The following EBF1 variants were observed in gnomAD, a reference collection of about 807,000 sequenced individuals.
The protein encoded by EBF1 is transcription factor COE1.
In EBF1, 10 loss-of-function variants were observed where a neutral mutation model predicts 68.4. That is an observed-to-expected ratio of 0.15 (90% CI 0.09 to 0.25). The LOEUF is 0.25. Among genes scored for constraint, EBF1 ranks in the 10% least tolerant of loss-of-function variants. EBF1 has a pLI of 1.00. For synonymous variants in EBF1, 298 were observed against 299.8 expected (o/e 0.99, Z 0.06); for missense variants, 509 against 794.4 (o/e 0.64, Z 4.32).
intron 6 of EBF1, among the ~76,000 whole-genome samples, chr5:158,917,079 C>T (rs1807358785): frequency 6.6e-6 from 1 of 152,188 alleles, no homozygotes; most frequent in Non-Finnish European, 1.5e-5. Flanking sequence ...TCCTAACTAG[C>T]CAACTTCAGC....
At chr5:158,869,545 CTT>C (rs569644227) in intron 6 of EBF1, among the ~76,000 whole-genome samples, 1 of 151,006 alleles carries the variant, frequency 6.6e-6, no homozygotes, top group Non-Finnish European at 1.5e-5. Flanking sequence ...GTAGTGTTCT[CTT>C]TTTTTTCCCT....
intron 5 of EBF1, among the ~76,000 whole-genome samples, chr5:159,079,595 C>A (rs970631917): frequency 4.1e-5 from 6 of 146,512 alleles, no homozygotes; most frequent in African/African-American, 7.7e-5. Flanking sequence ...AAACACCCTC[C>A]TTTTATCTTT....
intron 6 of EBF1, among the ~76,000 whole-genome samples, chr5:159,001,794 T>C (rs182294670): frequency 6.6e-6 from 1 of 152,344 alleles, no homozygotes; most frequent in East Asian, 1.9e-4. Context: ...TATTGTTTGA[T>C]ACAGTGATTT....
intron 14 of EBF1, among the ~76,000 whole-genome samples, chr5:158,709,223 A>T (rs1036286844): frequency 5.3e-5 from 8 of 152,212 alleles, no homozygotes; most frequent in Non-Finnish European, 1.2e-4. Flanking sequence ...TTTTTCACAC[A>T]ACTTAATAAA....
intron 6 of EBF1, among the ~76,000 whole-genome samples, chr5:158,926,269 G>A (rs961647013): frequency 6.6e-6 from 1 of 152,104 alleles, no homozygotes; most frequent in African/African-American, 2.4e-5. Flanking sequence ...GCAAATGATA[G>A]CGCATTTGTT....
At chr5:158,842,649 T>G (rs1790563097) in intron 6 of EBF1, among the ~76,000 whole-genome samples, 1 of 152,164 alleles carries the variant, frequency 6.6e-6, no homozygotes, top group Admixed American at 6.5e-5. Flanking sequence ...CTGTGAAAAT[T>G]GCGATAAGGC....
At chr5:158,991,065 T>C (rs1338206795) in intron 6 of EBF1, among the ~76,000 whole-genome samples, 4 of 152,354 alleles carry the variant, frequency 2.6e-5, no homozygotes, top group East Asian at 1.9e-4. Context: ...GAGGGAATCA[T>C]AAATCCCTGC....
intron 7 of EBF1, among the ~76,000 whole-genome samples, chr5:158,832,861 C>T (rs1787890176): frequency 6.6e-6 from 1 of 152,126 alleles, no homozygotes; most frequent in South Asian, 2.1e-4. Flanking sequence ...TTTTAAAAAG[C>T]AAAACACATT....
intron 6 of EBF1, among the ~76,000 whole-genome samples, chr5:159,029,880 C>G (rs1360789169): frequency 6.6e-6 from 1 of 151,564 alleles, no homozygotes; most frequent in Non-Finnish European, 1.5e-5. Flanking sequence ...TCACTTGAAT[C>G]TGGGAGGCAG....
chr5:158,807,012 T>C (rs1375210797), intron 8 of EBF1, among the ~76,000 whole-genome samples: 1 of 152,184 alleles, frequency 6.6e-6, no homozygotes, highest in East Asian at 1.9e-4. Flanking sequence ...ACCAGCCACA[T>C]TTCAAGTAGT....
At chr5:159,094,961 T>C (rs942498320) in intron 4 of EBF1, among the ~76,000 whole-genome samples, 3 of 152,170 alleles carry the variant, frequency 2.0e-5, no homozygotes, top group African/African-American at 7.2e-5. Context: ...GACACCCGCG[T>C]GTTGGGAGCT....
At chr5:158,887,778 C>A (rs2128102781) in intron 6 of EBF1, among the ~76,000 whole-genome samples, 1 of 152,166 alleles carries the variant, frequency 6.6e-6, no homozygotes, top group Admixed American at 6.5e-5. Context: ...TTTTCTATTG[C>A]CCAGTAAGAT....
At chr5:158,786,308 C>T (rs1326943643) in intron 9 of EBF1, among the ~76,000 whole-genome samples, 2 of 152,140 alleles carry the variant, frequency 1.3e-5, no homozygotes, top group Non-Finnish European at 2.9e-5. Flanking sequence ...AAAATGGCAA[C>T]AAGATCATCT....
chr5:158,948,567 G>GCTAT (rs1815326231), intron 6 of EBF1, among the ~76,000 whole-genome samples: 1 of 152,146 alleles, frequency 6.6e-6, no homozygotes, highest in South Asian at 2.1e-4. Context: ...TGCACTACCT[G>GCTAT]CTATCTCTCT....
At position 159,033,196 on chromosome 5, in the gene EBF1, G is replaced by A. The variant is rs17056464; in HGVS notation, c.554+40200C>T. ...GCATGCTTTAGGAAGTTCTGCACAC[G>A]TTTACCCGCTTTGCAGCCATCCCTT... On this transcript the variant is annotated intron_variant, in intron 6 of 15. Coordinates refer to ENST00000313708, the MANE Select transcript of EBF1 (RefSeq NM_024007.5). Among the ~76,000 whole-genome samples, 953 of 152,304 alleles carry A rather than the reference G, an allele frequency of 6.3e-3. 10 individuals carry two copies. Among genetic ancestry groups the A allele is most frequent in the African/African-American group, 0.022 (909 of 41,562 alleles).
chr5:159,035,458 C>T (rs180935902), intron 6 of EBF1, among the ~76,000 whole-genome samples: 3 of 152,228 alleles, frequency 2.0e-5, no homozygotes, highest in Non-Finnish European at 2.9e-5. Context: ...AGAAATTTGA[C>T]GTTATAAATC....
chr5:158,849,300 T>G (rs1439957188), intron 6 of EBF1, among the ~76,000 whole-genome samples: 1 of 152,164 alleles, frequency 6.6e-6, no homozygotes, highest in Non-Finnish European at 1.5e-5. Context: ...TCAGCATTCT[T>G]TGCTAAGTCA....
rs1163065526 is a variant in EBF1, at chr5:158,978,833, CACAG to C, written c.554+94559_554+94562del. Among the ~76,000 whole-genome samples, 97 of 120,202 alleles carry C rather than the reference CACAG, an allele frequency of 8.1e-4. 1 individual carries two copies. The highest frequency in any genetic ancestry group is 4.3e-3 in the Middle Eastern group (1 of 230). 78.9% of individuals were successfully genotyped at this position (120,202 alleles called of 152,430 possible). ...ACACACACACACACACACACACACA[CACAG>C]AGAGAGAGTCCACAGTTCTCTTTTG... On this transcript the variant is annotated intron_variant, in intron 6 of 15. Coordinates refer to ENST00000313708, the MANE Select transcript of EBF1 (RefSeq NM_024007.5).
chr5:159,044,703 T>C (rs1241235343), intron 6 of EBF1, among the ~76,000 whole-genome samples: 1 of 152,210 alleles, frequency 6.6e-6, no homozygotes, highest in Admixed American at 6.5e-5. Flanking sequence ...AAATAAGTAG[T>C]CTATTACTCA....
Sources: allele counts gnomAD v4.1 joint callset (sites outside exome capture counted in the v4.1 genomes callset), GRCh38; gene constraint gnomAD v4.1.1; transcripts MANE v1.5; gene names NCBI Gene and HGNC (gene_info 2026-07-23, HGNC 2026-07-21).